The following SHPK variants were observed in gnomAD, a reference collection of about 807,000 sequenced individuals.
SHPK encodes carbohydrate kinase-like protein.
In SHPK, 51 loss-of-function variants were observed where a neutral mutation model predicts 46.3. That is an observed-to-expected ratio of 1.10 (90% CI 0.88 to 1.39). The LOEUF (loss-of-function observed/expected upper bound fraction) is 1.39, where lower values mean the gene tolerates loss of function less well. SHPK is among the 40% of genes most tolerant of loss of function. The pLI, the probability that SHPK is intolerant of heterozygous loss-of-function variation, is 0.00. For missense variants in SHPK, 668 were observed against 641.3 expected (o/e 1.04, Z -0.45); for synonymous variants, 290 against 273.9 (o/e 1.06, Z -0.58).
intron 2 of SHPK, among the ~76,000 whole-genome samples, chr17:3,628,273 C>T (rs1416101666): frequency 6.6e-6 from 1 of 151,878 alleles, no homozygotes; most frequent in Non-Finnish European, 1.5e-5. Flanking sequence ...ATATGCTGTT[C>T]ACAGTACTGT....
chr17:3,633,118 A>G (rs536831079), intron 1 of SHPK, among the ~76,000 whole-genome samples: 5 of 151,138 alleles, frequency 3.3e-5, no homozygotes, highest in Non-Finnish European at 5.9e-5. Flanking sequence ...AGCTGGGATT[A>G]CAAGCACGCA....
intron 1 of SHPK, among the ~76,000 whole-genome samples, chr17:3,634,975 C>G (rs926210972): frequency 6.6e-6 from 1 of 151,826 alleles, no homozygotes; most frequent in Non-Finnish European, 1.5e-5. Context: ...AGTTCAAGAC[C>G]AGTCTGGCGA....
rs2075367285 is a variant in SHPK, at chr17:3,615,545, C to A, written c.824-8G>T. On this transcript the variant is annotated splice_polypyrimidine_tract_variant and splice_region_variant and intron_variant, in intron 5 of 6. Coordinates refer to ENST00000225519, the MANE Select transcript of SHPK (RefSeq NM_013276.4). The stretch of plus-strand genomic sequence containing the variant: ...AGGTGCTGATGTTGAGAACTGGGGT[C>A]CGAAGAGAGCAGAGCTTAGGCCTGT... 6.2e-7 allele frequency: 1 copy of A among 1,613,570 alleles called. No individual in the cohort carries two copies. Among genetic ancestry groups the A allele is most frequent in the Non-Finnish European group, 8.5e-7 (1 of 1,179,706 alleles).
intron 1 of SHPK, among the ~76,000 whole-genome samples, chr17:3,635,304 C>T (rs1445498525): frequency 6.6e-6 from 1 of 151,114 alleles, no homozygotes; most frequent in Non-Finnish European, 1.5e-5. Context: ...GGAGCGATCT[C>T]GACTCACTGC....
In SHPK at chr17:3,610,972, C is replaced by T; in HGVS notation, c.1025G>A (p.Gly342Asp). Residue 342 changes from glycine to aspartate, a missense_variant and splice_region_variant, in exon 7 of 7, where the codon GGC becomes GAC. Physicochemically the swap from Gly to Asp is moderately conservative, Grantham distance 94. Transcript: ENST00000225519. ...CACAGTGGATTCTTCAACCTCCAGG[C>T]CTGCCAGAGACAGAGAAGATCTGTG... Reference protein sequence around the residue: ...HMLVQWMADLGLEVEESTVYS... With the variant: ...HMLVQWMADLDLEVEESTVYS... 1 of 1,600,926 alleles carries T rather than the reference C, an allele frequency of 6.2e-7. No homozygotes were observed. Among genetic ancestry groups the T allele is most frequent in the Non-Finnish European group, 8.5e-7 (1 of 1,171,042 alleles).
rs780851286 is a variant in SHPK at position 3,621,367 on chromosome 17, G to T, written c.693C>A (p.Ala231=). 1 of 1,614,108 alleles carries T rather than the reference G, an allele frequency of 6.2e-7. No individual in the cohort carries two copies. The change falls in exon 5 of 7, where the codon GCC becomes GCA. Residue 231 remains alanine (A), a synonymous_variant. Transcript: ENST00000225519. ...TTCTGCCCGCCACACTGCCAGGCTCGGCGATGTCTGGGAGCAGGTGGACAG... is the reference window on the plus strand; with the variant it reads ...TTCTGCCCGCCACACTGCCAGGCTCTGCGATGTCTGGGAGCAGGTGGACAG... The part of the protein sequence containing the change: ...GFPVHLLPDI[A]EPGSVAGRTS...
chr17:3,611,872 C>T (rs745468631), intron 6 of SHPK, among the ~76,000 whole-genome samples: 10 of 139,298 alleles, frequency 7.2e-5, no homozygotes, highest in Non-Finnish European at 1.1e-4. Context: ...CATATCCTAT[C>T]GGCTCACTAT....
intron 6 of SHPK, among the ~76,000 whole-genome samples, chr17:3,612,340 C>T (rs890226830): frequency 6.0e-5 from 9 of 150,906 alleles, no homozygotes; most frequent in African/African-American, 9.8e-5. Context: ...GCATGAGAAA[C>T]GCTTGAACCC....
At chr17:3,630,737 A>C (rs1333798109) in intron 1 of SHPK, among the ~76,000 whole-genome samples, 1 of 152,094 alleles carries the variant, frequency 6.6e-6, no homozygotes, top group Non-Finnish European at 1.5e-5. Context: ...GGTGGCATGC[A>C]CCTGTAATCC....
At chr17:3,628,707 G>A (rs1348619856) in intron 2 of SHPK, among the ~76,000 whole-genome samples, 1 of 152,050 alleles carries the variant, frequency 6.6e-6, no homozygotes, top group African/African-American at 2.4e-5. Context: ...GGAGTGCAGT[G>A]GAGCAATCAC....
At chr17:3,623,967 C>G (rs772720175) in intron 3 of SHPK, 81 bp downstream of exon 3, 117 of 1,354,124 alleles carry the variant, frequency 8.6e-5, no homozygotes, top group Non-Finnish European at 1.2e-4. Context: ...GCCCAGCAGG[C>G]GGGGTGATGC....
chr17:3,632,654 C>T (rs1355465806), intron 1 of SHPK, among the ~76,000 whole-genome samples: 1 of 152,126 alleles, frequency 6.6e-6, no homozygotes, highest in Non-Finnish European at 1.5e-5. Context: ...ACATTGCCCC[C>T]ACTCCTTGGC....
chr17:3,619,283 C>A, intron 5 of SHPK: 1 of 808,030 alleles, frequency 1.2e-6, no homozygotes, highest in Non-Finnish European at 2.1e-6. Flanking sequence ...TTTCAATAAA[C>A]GTGGCCAGCT....
rs2075334767 is a variant in SHPK at position 3,610,833 on chromosome 17, G to A, written c.1164C>T (p.Ile388=). 2 of 1,614,064 alleles carry A rather than the reference G, an allele frequency of 1.2e-6. No homozygotes were observed. The highest frequency in any genetic ancestry group is 1.3e-5 in the African/African-American group (1 of 74,936). Residue 388 remains isoleucine (I), a synonymous_variant, in exon 7 of 7, where the codon ATC becomes ATT. Coordinates refer to ENST00000225519, the MANE Select transcript of SHPK (RefSeq NM_013276.4). ...GCCCCAGGGAGAGGTCGGAGGAGGA[G>A]ATTCTGGTCACTGAGGCCAGCTGGT... ...LPDQLASVTR[I]SSSDLSLGHV...
At chr17:3,619,322 G>T in intron 5 of SHPK, 1 of 1,095,182 alleles carries the variant, frequency 9.1e-7, no homozygotes, top group Non-Finnish European at 1.4e-6. Context: ...GTCCACCACA[G>T]TTACGTGAGG....
intron 6 of SHPK, 39 bp from the exon 7 acceptor site, chr17:3,611,011 C>G: frequency 3.2e-6 from 5 of 1,550,858 alleles, no homozygotes; most frequent in Non-Finnish European, 3.5e-6. Context: ...GCTCATGCGT[C>G]CCCCTCAGTG....
In SHPK at chr17:3,610,171, C is replaced by T. The variant is rs2075327478; in HGVS notation, c.*389G>A. On this transcript the variant is annotated 3_prime_UTR_variant, in exon 7 of 7. Coordinates refer to ENST00000225519, the MANE Select transcript of SHPK (RefSeq NM_013276.4). Reference sequence around the variant, plus strand: ...GCTGGGCATGGGGCAGTTCTCTTTTCCCACTTGGGACCAAAGCCACCAGAC... The same window carrying T: ...GCTGGGCATGGGGCAGTTCTCTTTTTCCACTTGGGACCAAAGCCACCAGAC... The T allele has an allele frequency of 5.7e-6, 1 of 176,120 alleles. No homozygotes were observed. The highest frequency in any genetic ancestry group is 1.2e-5 in the Non-Finnish European group (1 of 81,872). The allele number at this position is 176,120 out of a possible 1,614,324, so 10.9% of individuals were successfully genotyped here.
chr17:3,628,012 G>T (rs1422834028), intron 2 of SHPK, among the ~76,000 whole-genome samples: 1 of 151,862 alleles, frequency 6.6e-6, no homozygotes, highest in Non-Finnish European at 1.5e-5. Flanking sequence ...GGAAGAGCCT[G>T]CATCAGCTCC....
chr17:3,629,728 TAA>T (rs59844560), intron 2 of SHPK, among the ~76,000 whole-genome samples: 34 of 121,606 alleles, frequency 2.8e-4, no homozygotes, highest in Admixed American at 4.3e-4. Flanking sequence ...AACTCCACCT[TAA>T]AAAAAAAAAA....
Sources: allele counts gnomAD v4.1 joint callset (sites outside exome capture counted in the v4.1 genomes callset), GRCh38; gene constraint gnomAD v4.1.1; transcripts MANE v1.5; gene names NCBI Gene and HGNC (gene_info 2026-07-23, HGNC 2026-07-21).